Variants in TAOK3 observed in about 807,000 individuals in gnomAD.
The protein encoded by TAOK3 is TAO kinase 3, also known as serine/threonine-protein kinase TAO3.
TAOK3 carries 40 observed loss-of-function variants against 120.4 expected under a neutral mutation model. That is an observed-to-expected ratio of 0.33 (90% CI 0.26 to 0.43). TAOK3 has a LOEUF of 0.43. Ranked by LOEUF, TAOK3 falls within the 20% of genes least tolerant of loss-of-function variation. The pLI, the probability that TAOK3 is intolerant of heterozygous loss-of-function variation, is 1.00. For missense variants in TAOK3, 821 were observed against 1,112.1 expected (o/e 0.74, Z 3.72); for synonymous variants, 355 against 387.5 (o/e 0.92, Z 0.99).
In TAOK3 at chr12:118,313,032, C is replaced by T. The variant is rs962284012; in HGVS notation, c.-193-46273G>A. 3.4e-4 allele frequency among the ~76,000 whole-genome samples: 52 copies of T among 151,996 alleles called. 1 individual carries two copies. Among genetic ancestry groups the T allele is most frequent in the Admixed American group, 8.5e-4 (13 of 15,276 alleles). ...AACCCAAAATCCCTAACACTAAAGA[C>T]GGAAAAATGCAGAAAAGAGGCTAAA... On this transcript the variant is annotated intron_variant, in intron 1 of 20. Transcript: ENST00000392533.
intron 1 of TAOK3, among the ~76,000 whole-genome samples, chr12:118,307,829 A>G (rs572355357): frequency 3.3e-5 from 5 of 152,192 alleles, no homozygotes; most frequent in Non-Finnish European, 7.3e-5. Flanking sequence ...TAAGCTGCAT[A>G]CTGCTCCAAT....
chr12:118,241,916 G>C (rs1010415407), intron 5 of TAOK3, among the ~76,000 whole-genome samples: 1 of 152,022 alleles, frequency 6.6e-6, no homozygotes, highest in Non-Finnish European at 1.5e-5. Context: ...TTCGAGACCA[G>C]CCTGACCAAC....
intron 5 of TAOK3, among the ~76,000 whole-genome samples, chr12:118,240,436 C>T (rs1323036744): frequency 2.6e-5 from 4 of 152,120 alleles, no homozygotes; most frequent in African/African-American, 9.7e-5. Flanking sequence ...GCCTCAGCCT[C>T]CCAAAGTGTT....
intron 1 of TAOK3, among the ~76,000 whole-genome samples, chr12:118,317,331 C>T (rs909338104): frequency 6.0e-5 from 8 of 132,854 alleles, no homozygotes; most frequent in African/African-American, 2.2e-4. Context: ...GACAGTCTTG[C>T]TCTGTTGCCC....
intron 8 of TAOK3, 113 bp from the exon 9 acceptor site, chr12:118,233,878 T>C (rs1267896758): frequency 4.4e-6 from 3 of 676,470 alleles, no homozygotes; most frequent in Non-Finnish European, 7.8e-6. Flanking sequence ...TTATCTGATA[T>C]AGATATTATT....
intron 14 of TAOK3, among the ~76,000 whole-genome samples, chr12:118,183,821 C>T (rs1321877330): frequency 6.6e-6 from 1 of 152,140 alleles, no homozygotes; most frequent in Admixed American, 6.5e-5. Context: ...TAATCAGATT[C>T]CCAAAGCTGA....
chr12:118,158,855 C>T (rs576592746), intron 19 of TAOK3, among the ~76,000 whole-genome samples: 1 of 152,324 alleles, frequency 6.6e-6, no homozygotes, highest in East Asian at 1.9e-4. Context: ...CAACAAGCAT[C>T]CTATACTCTT....
intron 16 of TAOK3, among the ~76,000 whole-genome samples, chr12:118,174,173 C>T (rs1259051048): frequency 6.6e-6 from 1 of 152,172 alleles, no homozygotes; most frequent in Non-Finnish European, 1.5e-5. Context: ...ATCTATCATT[C>T]TGTATTAGAT....
intron 16 of TAOK3, among the ~76,000 whole-genome samples, chr12:118,176,148 C>A (rs118088999): frequency 0.015 from 2,353 of 152,250 alleles, 111 homozygotes; most frequent in Admixed American, 0.096. Context: ...TCCTAATAAC[C>A]AATCCCGCAT....
At chr12:118,193,519 T>C (rs900067617) in intron 13 of TAOK3, among the ~76,000 whole-genome samples, 3 of 152,246 alleles carry the variant, frequency 2.0e-5, no homozygotes, top group African/African-American at 7.2e-5. Flanking sequence ...GGGGCTTTCC[T>C]TTTATTTGGA....
chr12:118,364,357 G>A (rs943720093), intron 1 of TAOK3, among the ~76,000 whole-genome samples: 11 of 151,930 alleles, frequency 7.2e-5, no homozygotes, highest in Admixed American at 3.3e-4. Flanking sequence ...TAAGGCCCTC[G>A]TAAGATCCTT....
At chr12:118,181,631 C>T in intron 14 of TAOK3, 24 bp from the exon 15 acceptor site, 2 of 1,602,540 alleles carry the variant, frequency 1.2e-6, no homozygotes, top group African/African-American at 2.7e-5. Flanking sequence ...GGAAACAGAA[C>T]TCAGGTAACC....
chr12:118,171,137 C>T (rs780812014), intron 17 of TAOK3, among the ~76,000 whole-genome samples: 5 of 152,208 alleles, frequency 3.3e-5, no homozygotes, highest in Non-Finnish European at 7.3e-5. Context: ...AAATTAGAAA[C>T]TTGGAAGTCA....
intron 1 of TAOK3, among the ~76,000 whole-genome samples, chr12:118,273,602 G>A (rs745895038): frequency 6.6e-6 from 1 of 152,134 alleles, no homozygotes; most frequent in African/African-American, 2.4e-5. Flanking sequence ...ATCACTTGAC[G>A]TCAGCAGTTC....
rs1357105779 is a variant in TAOK3 at position 118,160,124 on chromosome 12, G to A, written c.2352+22C>T. 1.3e-6 allele frequency: 2 copies of A among 1,578,498 alleles called. No homozygotes were observed. Among genetic ancestry groups the A allele is most frequent in the African/African-American group, 2.7e-5 (2 of 74,104 alleles). On this transcript the variant is annotated intron_variant, in intron 19 of 20. Transcript: ENST00000392533. The surrounding 1 kb of genome is among the most constrained non-coding windows in gnomAD (Gnocchi z 4.2). ...TGATTCCCAAAGCTCTCGAAGCCGT[G>A]GCACCAAACCTAACCACTTACCGCT...
intron 1 of TAOK3, among the ~76,000 whole-genome samples, chr12:118,301,583 C>A (rs1221782260): frequency 6.6e-6 from 1 of 152,138 alleles, no homozygotes; most frequent in Non-Finnish European, 1.5e-5. Flanking sequence ...CGGTGGCTCA[C>A]TCCTATAATC....
intron 1 of TAOK3, among the ~76,000 whole-genome samples, chr12:118,272,842 T>C (rs139327135): frequency 0.014 from 2,191 of 152,094 alleles, 49 homozygotes; most frequent in African/African-American, 0.049. Context: ...CTGGGCATGG[T>C]AGCACGTGCC....
At chr12:118,333,973 T>C (rs1185428866) in intron 1 of TAOK3, among the ~76,000 whole-genome samples, 1 of 151,402 alleles carries the variant, frequency 6.6e-6, no homozygotes, top group Non-Finnish European at 1.5e-5. Context: ...CCATCTCTAC[T>C]AAAAATACAA....
intron 1 of TAOK3, among the ~76,000 whole-genome samples, chr12:118,324,445 C>A (rs996019579): frequency 6.6e-6 from 1 of 152,012 alleles, no homozygotes; most frequent in Non-Finnish European, 1.5e-5. Flanking sequence ...TGACTGGAAT[C>A]ACTCTCTTGT....
Sources: allele counts gnomAD v4.1 joint callset (sites outside exome capture counted in the v4.1 genomes callset), GRCh38; gene constraint gnomAD v4.1.1; non-coding constraint Gnocchi (gnomAD v3.1); transcripts MANE v1.5; gene names NCBI Gene and HGNC (gene_info 2026-07-23, HGNC 2026-07-21).